The following GPR158 variants were observed in gnomAD, a reference collection of about 807,000 sequenced individuals.
The protein encoded by GPR158 is metabotropic glycine receptor.
A neutral mutation model predicts 78.2 loss-of-function variants in GPR158; 30 were observed. That is an observed-to-expected ratio of 0.38 (90% CI 0.29 to 0.52). The LOEUF (loss-of-function observed/expected upper bound fraction) is 0.52, where lower values mean the gene tolerates loss of function less well. Among genes scored for constraint, GPR158 ranks in the 20% least tolerant of loss-of-function variants. The pLI is 0.83. For missense variants in GPR158, 1,463 were observed against 1,523.5 expected (o/e 0.96, Z 0.66); for synonymous variants, 581 against 591.1 (o/e 0.98, Z 0.25).
Position 25,490,373 on chromosome 10 carries a change from T to C in GPR158, c.1404+23654T>C, listed in dbSNP as rs1402059180. The stretch of plus-strand genomic sequence containing the variant: ...TAGTTACATATGTATACATGTGCCA[T>C]GCTGGTGCGCTGCACCCACTAACTC... On this transcript the variant is annotated intron_variant, in intron 5 of 10. Transcript: ENST00000376351. Among the ~76,000 whole-genome samples the C allele has an allele frequency of 4.1e-5, 6 of 147,618 alleles. No individual in the cohort carries two copies. The South Asian group carries it at 8.9e-4, about 22-fold the overall frequency.
intron 2 of GPR158, among the ~76,000 whole-genome samples, chr10:25,286,073 A>G (rs768227983): frequency 6.6e-5 from 10 of 151,962 alleles, no homozygotes; most frequent in Admixed American, 2.6e-4. Context: ...CTTTATTTTT[A>G]GTTAACAACT....
chr10:25,306,314 G>A (rs1020442121), intron 2 of GPR158, among the ~76,000 whole-genome samples: 1 of 152,036 alleles, frequency 6.6e-6, no homozygotes, highest in Non-Finnish European at 1.5e-5. Context: ...TTTTTACTTA[G>A]TACTAAATAT....
intron 2 of GPR158, among the ~76,000 whole-genome samples, chr10:25,315,938 C>T (rs1001542350): frequency 2.0e-5 from 3 of 152,010 alleles, no homozygotes; most frequent in African/African-American, 7.2e-5. Flanking sequence ...GACTGTATTC[C>T]GTGAGTTCTT....
chr10:25,500,020 A>G (rs1298336876), intron 5 of GPR158, among the ~76,000 whole-genome samples: 1 of 152,212 alleles, frequency 6.6e-6, no homozygotes, highest in African/African-American at 2.4e-5. Flanking sequence ...TGATTTTAGC[A>G]TATGATTAAC....
chr10:25,543,872 G>A (rs1836623390), intron 5 of GPR158, among the ~76,000 whole-genome samples: 1 of 152,108 alleles, frequency 6.6e-6, no homozygotes, highest in Non-Finnish European at 1.5e-5. Context: ...ACTTCCCATG[G>A]TTATGAACCA....
rs925322521 is a variant in GPR158 at position 25,365,132 on chromosome 10, T to G, written c.1009-30779T>G. Reference sequence around the variant, plus strand: ...TTTAATAGTTAACTAAGGACATATATACATCCTGTAAATCTTTCTGGAATA... The same window carrying G: ...TTTAATAGTTAACTAAGGACATATAGACATCCTGTAAATCTTTCTGGAATA... On this transcript the variant is annotated intron_variant, in intron 2 of 10. Transcript: ENST00000376351. Among the ~76,000 whole-genome samples the G allele has an allele frequency of 2.6e-5, 4 of 151,948 alleles. No homozygotes were observed. The South Asian group carries it at 8.3e-4, about 31-fold the overall frequency.
intron 2 of GPR158, chr10:25,393,979 C>G (rs117593299): frequency 6.6e-6 from 1 of 152,150 alleles, no homozygotes; most frequent in South Asian, 2.1e-4. Context: ...AAACTTCATA[C>G]TAGTTTATCA....
At chr10:25,581,311 C>T (rs1263819642) in intron 7 of GPR158, among the ~76,000 whole-genome samples, 1 of 152,098 alleles carries the variant, frequency 6.6e-6, no homozygotes, top group Non-Finnish European at 1.5e-5. Context: ...TCAAACAATC[C>T]TCCCTCCCAA....
chr10:25,584,252 C>T (rs1185366742), intron 7 of GPR158, among the ~76,000 whole-genome samples: 1 of 152,192 alleles, frequency 6.6e-6, no homozygotes, highest in Non-Finnish European at 1.5e-5. Context: ...CGTAATAACA[C>T]CGCAAATTTG....
chr10:25,325,361 T>G (rs1452280787), intron 2 of GPR158, among the ~76,000 whole-genome samples: 2 of 152,210 alleles, frequency 1.3e-5, no homozygotes, highest in Non-Finnish European at 2.9e-5. Context: ...TTCATATTCT[T>G]GTAAATGACA....
intron 1 of GPR158, among the ~76,000 whole-genome samples, chr10:25,213,298 TG>T (rs1335890215): frequency 6.6e-6 from 1 of 152,234 alleles, no homozygotes; most frequent in Non-Finnish European, 1.5e-5. Flanking sequence ...AGGCAAGCTT[TG>T]GAATTTAAGA....
chr10:25,370,763 TG>T (rs1234962568), intron 2 of GPR158, among the ~76,000 whole-genome samples: 1 of 150,526 alleles, frequency 6.6e-6, no homozygotes, highest in African/African-American at 2.4e-5. Flanking sequence ...ATTTTGACAG[TG>T]GGGTGTTAAA....
At chr10:25,226,080 A>C (rs770522253) in intron 2 of GPR158, among the ~76,000 whole-genome samples, 1 of 151,202 alleles carries the variant, frequency 6.6e-6, no homozygotes, top group African/African-American at 2.4e-5. Flanking sequence ...TGTGGCTGCT[A>C]TCTCACCATT....
At chr10:25,334,391 T>G (rs560894999) in intron 2 of GPR158, among the ~76,000 whole-genome samples, 87 of 152,096 alleles carry the variant, frequency 5.7e-4, no homozygotes, top group Admixed American at 7.2e-4. Context: ...AAATCTATAA[T>G]TATCATTTTT....
chr10:25,179,198 A>G (rs1300564137), intron 1 of GPR158, among the ~76,000 whole-genome samples: 2 of 152,234 alleles, frequency 1.3e-5, no homozygotes, highest in Non-Finnish European at 2.9e-5. Context: ...AAATTCTACA[A>G]TATAGGTGAA....
At chr10:25,550,712 T>C (rs1280252586) in intron 5 of GPR158, among the ~76,000 whole-genome samples, 1 of 152,202 alleles carries the variant, frequency 6.6e-6, no homozygotes, top group Non-Finnish European at 1.5e-5. Flanking sequence ...TAACTCGTCA[T>C]TTAACATTAG....
intron 6 of GPR158, among the ~76,000 whole-genome samples, chr10:25,551,693 A>G (rs985743375): frequency 1.1e-4 from 16 of 152,122 alleles, no homozygotes; most frequent in African/African-American, 3.6e-4. Context: ...CTACCTATCT[A>G]CAAAGGCTAG....
chr10:25,515,920 T>A (rs1246175256), intron 5 of GPR158, among the ~76,000 whole-genome samples: 1 of 151,434 alleles, frequency 6.6e-6, no homozygotes, highest in South Asian at 2.1e-4. Flanking sequence ...GTATTTCTAG[T>A]TCTAGATCCC....
rs182814036 is a variant in GPR158 at position 25,297,966 on chromosome 10, G to T, written c.1008+76809G>T. 3.7e-3 allele frequency among the ~76,000 whole-genome samples: 567 copies of T among 152,332 alleles called. 3 individuals carry two copies. The highest frequency in any genetic ancestry group is 6.1e-3 in the Non-Finnish European group (412 of 68,034). On this transcript the variant is annotated intron_variant, in intron 2 of 10. Coordinates refer to ENST00000376351, the MANE Select transcript of GPR158 (RefSeq NM_020752.3). ...CATCTTTGCCCCTTAATAGCTGAGT[G>T]CTTGGGCAAGGAACTTAGCATCTCT...
Sources: gnomAD v4.1 joint callset for allele counts (sites outside exome capture counted in the v4.1 genomes callset) on GRCh38, gnomAD v4.1.1 for gene constraint, MANE v1.5 for transcripts, NCBI Gene and HGNC (gene_info 2026-07-23, HGNC 2026-07-21) for gene names.